Variants in MCM5 observed in about 807,000 individuals in gnomAD.
The protein encoded by MCM5 is DNA replication licensing factor MCM5.
MCM5 carries 46 observed loss-of-function variants against 79.9 expected under a neutral mutation model. The observed-to-expected ratio is 0.58, with a 90% CI of 0.45 to 0.74. The LOEUF (loss-of-function observed/expected upper bound fraction) is 0.74. Among genes scored for constraint, MCM5 ranks in the 30% least tolerant of loss-of-function variants. The probability of loss-of-function intolerance (pLI) is 0.00; values close to 1 mark genes in which losing one functional copy is unlikely to be tolerated. For missense variants in MCM5, 883 were observed against 1,017.0 expected (o/e 0.87, Z 1.79); for synonymous variants, 404 against 390.5 (o/e 1.03, Z -0.41).
At chr22:35,440,230 A>C in the MCM5 span, among the ~76,000 whole-genome samples, 1 of 152,258 alleles carries the variant, frequency 6.6e-6, no homozygotes, top group Admixed American at 6.5e-5. Context: ...AATGAGAAAC[A>C]GGGACTTGGC....
At chr22:35,430,890 C>T in the MCM5 span, among the ~76,000 whole-genome samples, 1 of 149,806 alleles carries the variant, frequency 6.7e-6, no homozygotes, top group South Asian at 2.1e-4. Flanking sequence ...TAGCTTTGGT[C>T]TTTTTAAAAA....
intron 5 of MCM5, 48 bp downstream of exon 5, chr22:35,406,773 T>G (rs1236526022): frequency 6.3e-7 from 1 of 1,584,232 alleles, no homozygotes; most frequent in Admixed American, 1.7e-5. Context: ...TGAGTGAAGA[T>G]CAGAAAGGAT....
At chr22:35,449,550 C>T in the MCM5 span, among the ~76,000 whole-genome samples, 6 of 148,928 alleles carry the variant, frequency 4.0e-5, no homozygotes, top group African/African-American at 1.5e-4. Flanking sequence ...GTGTCCCAAC[C>T]GTGGCCTCTT....
downstream of MCM5, among the ~76,000 whole-genome samples, chr22:35,429,953 A>C (rs933552447): frequency 6.6e-6 from 1 of 152,110 alleles, no homozygotes; most frequent in South Asian, 2.1e-4. Context: ...TCCAAATCTC[A>C]GTTTCCGTGT....
At chr22:35,401,237 TC>T in intron 2 of MCM5, 1 of 374,226 alleles carries the variant, frequency 2.7e-6, no homozygotes, top group Non-Finnish European at 5.5e-6. Flanking sequence ...CAGATCTTGT[TC>T]CTGTTCATCT....
At chr22:35,430,456 T>C in the MCM5 span, among the ~76,000 whole-genome samples, 1 of 151,880 alleles carries the variant, frequency 6.6e-6, no homozygotes, top group Non-Finnish European at 1.5e-5. Flanking sequence ...TCTGAACACT[T>C]AATGCTGTGT....
At chr22:35,403,111 T>G in intron 2 of MCM5, 96 bp from the exon 3 acceptor site, 5 of 1,442,280 alleles carry the variant, frequency 3.5e-6, no homozygotes, top group Non-Finnish European at 4.8e-6. Flanking sequence ...GTGGCTGTGG[T>G]GTGGGCAGAT....
intron 4 of MCM5, among the ~76,000 whole-genome samples, chr22:35,406,303 C>G (rs1254596459): frequency 7.0e-6 from 1 of 143,132 alleles, no homozygotes; most frequent in Non-Finnish European, 1.5e-5. Flanking sequence ...GCCACCTCCC[C>G]CCCCAATTGT....
chr22:35,405,838 C>T (rs1260949116), intron 4 of MCM5, among the ~76,000 whole-genome samples: 5 of 151,678 alleles, frequency 3.3e-5, no homozygotes, highest in Admixed American at 6.6e-5. Context: ...AGTGAAACCC[C>T]GTCTCTACTA....
chr22:35,433,679 G>A, the MCM5 span, among the ~76,000 whole-genome samples: 1 of 152,188 alleles, frequency 6.6e-6, no homozygotes, highest in East Asian at 1.9e-4. Flanking sequence ...GCAGGAGAGG[G>A]GGAAGCAGCC....
At chr22:35,437,283 G>T in the MCM5 span, among the ~76,000 whole-genome samples, 12 of 152,200 alleles carry the variant, frequency 7.9e-5, no homozygotes, top group Non-Finnish European at 1.3e-4. Flanking sequence ...TTGGCTCCTG[G>T]TGGGCAGGTG....
Position 35,408,529 on chromosome 22 carries a change from G to A in MCM5, c.718G>A (p.Glu240Lys). ...QELPDAVPHG[E>K]MPRHMQLYCD... The stretch of plus-strand genomic sequence containing the variant: ...GCTGCCTGATGCAGTCCCCCACGGG[G>A]AGATGCCCAGACACATGCAGCTCTA... The change falls in exon 6 of 17, where the codon GAG (glutamate) becomes AAG (lysine). Residue 240 changes from glutamate to lysine, a missense_variant. Physicochemically the swap from Glu to Lys is moderately conservative, Grantham distance 56. Coordinates refer to ENST00000216122, the MANE Select transcript of MCM5 (RefSeq NM_006739.4). 1 of 1,614,026 alleles carries A rather than the reference G, an allele frequency of 6.2e-7. No homozygotes were observed. The highest frequency in any genetic ancestry group is 8.5e-7 in the Non-Finnish European group (1 of 1,179,910).
rs760783992 is a variant in MCM5 at position 35,420,038 on chromosome 22, A to G, written c.1832+26A>G. On this transcript the variant is annotated intron_variant, in intron 14 of 16. Coordinates refer to ENST00000216122, the MANE Select transcript of MCM5 (RefSeq NM_006739.4). ...GTGAGCAGGCGGGCAGGGCTGGGCC[A>G]TGGCAGATGGGGCTTGCTTTACACA... The G allele has an allele frequency of 1.3e-5, 20 of 1,586,370 alleles. 1 individual carries two copies. The South Asian group carries it at 2.1e-4, about 16-fold the overall frequency.
In MCM5 at chr22:35,421,471, G is replaced by A; in HGVS notation, c.1975+11G>A. 6.2e-7 allele frequency: 1 copy of A among 1,614,016 alleles called. No homozygotes were observed. Among genetic ancestry groups the A allele is most frequent in the Non-Finnish European group, 8.5e-7 (1 of 1,180,026 alleles). ...CCGGTACCCTGTCAGGTGAGCAGAT[G>A]CAGGGGCCATGGTCTCAATTGATCT... On this transcript the variant is annotated intron_variant, in intron 15 of 16. Transcript: ENST00000216122.
At chr22:35,417,718 G>A in intron 12 of MCM5, 26 bp from the exon 13 acceptor site, 1 of 1,525,396 alleles carries the variant, frequency 6.6e-7, no homozygotes, top group South Asian at 1.1e-5. Flanking sequence ...CCTGTGGGAT[G>A]ACCCATTATC....
the MCM5 span, among the ~76,000 whole-genome samples, chr22:35,451,420 C>A: frequency 6.6e-6 from 1 of 152,240 alleles, no homozygotes; most frequent in Non-Finnish European, 1.5e-5. Flanking sequence ...ACGCAAGCTG[C>A]GCGTTCATGG....
chr22:35,432,662 C>A, the MCM5 span, among the ~76,000 whole-genome samples: 1 of 152,186 alleles, frequency 6.6e-6, no homozygotes, highest in Admixed American at 6.5e-5. Context: ...TCTGCTCAGC[C>A]CCTTCGGCAA....
Position 35,400,218 on chromosome 22 carries a change from G to A in MCM5, c.-9+10G>A, listed in dbSNP as rs765975154. ...GTGCGGAAAACCAGAGGTGAGGCTA[G>A]TGGGAGTGGGACTGGGACTGGGAGC... On this transcript the variant is annotated intron_variant, in intron 1 of 16. Transcript: ENST00000216122. 7.3e-5 allele frequency: 42 copies of A among 575,768 alleles called. 1 individual carries two copies. Among genetic ancestry groups the A allele is most frequent in the Non-Finnish European group, 1.1e-4 (34 of 320,926 alleles). The allele number at this position is 575,768 out of a possible 1,614,324, so 35.7% of individuals were successfully genotyped here. A position where few individuals can be genotyped will look rare whatever the true frequency, so the allele number is the denominator to read the frequency against.
chr22:35,451,538 C>T, the MCM5 span, among the ~76,000 whole-genome samples: 3 of 152,368 alleles, frequency 2.0e-5, no homozygotes, highest in East Asian at 1.9e-4. Context: ...AGACGGGCCT[C>T]GAGCCTGGCA....
Sources: allele counts gnomAD v4.1 joint callset (sites outside exome capture counted in the v4.1 genomes callset), GRCh38; gene constraint gnomAD v4.1.1; transcripts MANE v1.5; gene names NCBI Gene and HGNC (gene_info 2026-07-23, HGNC 2026-07-21).